IL7R: variants seen among roughly 807,000 people sequenced by gnomAD.
IL7R encodes the protein interleukin 7 receptor.
A neutral mutation model predicts 47.0 loss-of-function variants in IL7R; 38 were observed. The observed-to-expected ratio is 0.81, with a 90% CI of 0.62 to 1.06. IL7R has a LOEUF of 1.06. IL7R is among the 50% of genes least tolerant of loss of function. IL7R has a pLI of 0.00. For missense variants in IL7R, 633 were observed against 534.8 expected (o/e 1.18, Z -1.81); for synonymous variants, 221 against 199.8 (o/e 1.11, Z -0.89).
Position 35,877,314 on chromosome 5 carries a change from G to A in IL7R, c.*828G>A. On this transcript the variant is annotated 3_prime_UTR_variant, in exon 8 of 8. Coordinates refer to ENST00000303115, the MANE Select transcript of IL7R (RefSeq NM_002185.5). ...AAATGGCTATGAGAAAGAAAGAGGG[G>A]GAGAAACAGTCTTGCGGGTGTGAAG... 1 of 233,108 alleles carries A rather than the reference G, an allele frequency of 4.3e-6. No homozygotes were observed. Among genetic ancestry groups the A allele is most frequent in the Non-Finnish European group, 8.5e-6 (1 of 117,998 alleles). 14.4% of individuals were successfully genotyped at this position (233,108 alleles called of 1,614,324 possible). A position where few individuals can be genotyped will look rare whatever the true frequency, so the allele number is the denominator to read the frequency against.
chr5:35,860,054 C>T (rs1175692890), intron 1 of IL7R, among the ~76,000 whole-genome samples: 1 of 150,778 alleles, frequency 6.6e-6, no homozygotes, highest in Non-Finnish European at 1.5e-5. Flanking sequence ...ATCACACTTT[C>T]CAAAAGTAAT....
intron 4 of IL7R, among the ~76,000 whole-genome samples, chr5:35,871,904 T>C (rs1464615820): frequency 6.6e-6 from 1 of 152,168 alleles, no homozygotes; most frequent in Non-Finnish European, 1.5e-5. Flanking sequence ...GAAGAAGAGA[T>C]GATGATTTCT....
chr5:35,874,379 A>G, intron 5 of IL7R, 70 bp from the exon 6 acceptor site: 1 of 1,022,632 alleles, frequency 9.8e-7, no homozygotes, highest in Non-Finnish European at 1.6e-6. Flanking sequence ...AGTAAATGCA[A>G]AGCACCCTGA....
Position 35,879,528 on chromosome 5 carries a change from G to T in IL7R, c.*3042G>T, listed in dbSNP as rs151275799. 4.4e-6 allele frequency: 1 copy of T among 229,732 alleles called. No individual in the cohort carries two copies. 14.2% of individuals were successfully genotyped at this position (229,732 alleles called of 1,614,324 possible). On this transcript the variant is annotated 3_prime_UTR_variant, in exon 8 of 8. Transcript: ENST00000303115. The stretch of plus-strand genomic sequence containing the variant: ...TATCCACATGCATTACAAACATTTC[G>T]CAGAGCTGCTTAGTATATAAGCGTA...
chr5:35,862,133 C>A (rs779477236), intron 2 of IL7R, among the ~76,000 whole-genome samples: 1 of 152,094 alleles, frequency 6.6e-6, no homozygotes, highest in Non-Finnish European at 1.5e-5. Context: ...TGTTCACTTC[C>A]CTAACACATT....
chr5:35,869,039 C>A (rs1385384495), intron 3 of IL7R, among the ~76,000 whole-genome samples: 1 of 152,144 alleles, frequency 6.6e-6, no homozygotes, highest in Non-Finnish European at 1.5e-5. Flanking sequence ...GGCAAGCACC[C>A]CTGGACAAGC....
rs1760265907 is a variant in IL7R, at chr5:35,878,361, A to C, written c.*1875A>C. 1 of 232,680 alleles carries C rather than the reference A, an allele frequency of 4.3e-6. No homozygotes were observed. Among genetic ancestry groups the C allele is most frequent in the Non-Finnish European group, 8.5e-6 (1 of 117,900 alleles). The allele number at this position is 232,680 out of a possible 1,614,324, so 14.4% of individuals were successfully genotyped here. A position where few individuals can be genotyped will look rare whatever the true frequency, so the allele number is the denominator to read the frequency against. The stretch of plus-strand genomic sequence containing the variant: ...CATACTGTTAGGCACAGGGGACCTA[A>C]AGACACATAAAAGGATGGCATTCTG... On this transcript the variant is annotated 3_prime_UTR_variant, in exon 8 of 8. Transcript: ENST00000303115.
intron 2 of IL7R, 136 bp from the exon 3 acceptor site, chr5:35,867,170 C>A: frequency 2.8e-6 from 2 of 703,710 alleles, no homozygotes; most frequent in Non-Finnish European, 5.0e-6. Context: ...CATTCCTGAA[C>A]ATGCCTCCAC....
rs1760160628 is a variant in IL7R at position 35,874,607 on chromosome 5, C to G, written c.800+65C>G. On this transcript the variant is annotated intron_variant, in intron 6 of 7. Coordinates refer to ENST00000303115, the MANE Select transcript of IL7R (RefSeq NM_002185.5). ...ATCACGGACAGTCAGAGCTTAAGCC[C>G]CATTTATTGATGAGAAAACCACAAA... is the stretch of plus-strand genomic sequence containing the variant. 4.1e-6 allele frequency: 5 copies of G among 1,211,338 alleles called. No homozygotes were observed. The Admixed American group carries it at 6.7e-5, about 16-fold the overall frequency. 75.0% of individuals were successfully genotyped at this position (1,211,338 alleles called of 1,614,324 possible).
Position 35,871,114 on chromosome 5 carries a change from TG to T in IL7R, c.439del (p.Val147TrpfsTer2), listed in dbSNP as rs747698244. 1 of 1,612,266 alleles carries T rather than the reference TG, an allele frequency of 6.2e-7. No individual in the cohort carries two copies. The highest frequency in any genetic ancestry group is 1.1e-5 in the South Asian group (1 of 91,054). ...VVYREGANDF[V>X]VTFNTSHLQK... ...TCTATCGGGAAGGAGCCAATGACTT[TG>T]TGGTGACATTTAATACATCACACTT... On this transcript the variant is annotated frameshift_variant, in exon 4 of 8. Coordinates refer to ENST00000303115, the MANE Select transcript of IL7R (RefSeq NM_002185.5). LOFTEE classifies it high-confidence loss of function.
At chr5:35,861,701 A>G (rs1351333467) in intron 2 of IL7R, among the ~76,000 whole-genome samples, 1 of 88,676 alleles carries the variant, frequency 1.1e-5, no homozygotes, top group East Asian at 2.4e-4. Flanking sequence ...GAAAAGACAA[A>G]GGAAAAGAGT....
At chr5:35,873,802 G>A (rs1285344272) in intron 5 of IL7R, among the ~76,000 whole-genome samples, 154 bp downstream of exon 5, 2 of 152,234 alleles carry the variant, frequency 1.3e-5, no homozygotes, top group African/African-American at 2.4e-5. Flanking sequence ...CTTGCCTGCT[G>A]TCTTTGCGCC....
rs202083738 is a variant in IL7R, at chr5:35,860,918, G to T, written c.149G>T (p.Gly50Val). The T allele has an allele frequency of 3.7e-6, 6 of 1,612,738 alleles. No individual in the cohort carries two copies. The highest frequency in any genetic ancestry group is 1.7e-4 in the Middle Eastern group (1 of 6,056). ...FSCYSQLEVNGSQHSLTCAFE... is the reference protein window; with the variant it reads ...FSCYSQLEVNVSQHSLTCAFE... ...TGCTATAGCCAGTTGGAAGTGAATG[G>T]ATCGCAGCACTCACTGACCTGTGCT... Residue 50 changes from glycine to valine, a missense_variant, in exon 2 of 8, where the codon GGA becomes GTA. Transcript: ENST00000303115.
intron 2 of IL7R, among the ~76,000 whole-genome samples, chr5:35,867,078 G>T (rs1759956957): frequency 6.6e-6 from 1 of 152,020 alleles, no homozygotes; most frequent in Admixed American, 6.6e-5. Context: ...ACTATTTCAG[G>T]TTCAATTGCA....
intron 1 of IL7R, among the ~76,000 whole-genome samples, chr5:35,859,742 G>T (rs944481728): frequency 2.0e-5 from 3 of 152,070 alleles, no homozygotes; most frequent in Non-Finnish European, 4.4e-5. Flanking sequence ...ACAGCCCTTG[G>T]TCTCTGGGAC....
At chr5:35,875,385 A>T in intron 6 of IL7R, 127 bp from the exon 7 acceptor site, 1 of 750,356 alleles carries the variant, frequency 1.3e-6, no homozygotes, top group South Asian at 1.5e-5. Context: ...ATGGTCACCC[A>T]CCTAATTGTG....
At chr5:35,866,187 A>C (rs1248048276) in intron 2 of IL7R, among the ~76,000 whole-genome samples, 1 of 152,232 alleles carries the variant, frequency 6.6e-6, no homozygotes, top group African/African-American at 2.4e-5. Flanking sequence ...CAGGTTATTT[A>C]TGTCTTCTAG....
At position 35,876,171 on chromosome 5, in the gene IL7R, C is replaced by T. The variant is rs1760204916; in HGVS notation, c.1065C>T (p.Val355=). ...QSPNCPSEDV[V]ITPESFGRDS... Reference sequence around the variant, plus strand: ...CCAACTGCCCATCTGAGGATGTAGTCATCACTCCAGAAAGCTTTGGAAGAG... The same window carrying T: ...CCAACTGCCCATCTGAGGATGTAGTTATCACTCCAGAAAGCTTTGGAAGAG... Residue 355 remains valine (V), a synonymous_variant, in exon 8 of 8, where the codon GTC becomes GTT. Coordinates refer to ENST00000303115, the MANE Select transcript of IL7R (RefSeq NM_002185.5). 2 of 1,614,090 alleles carry T rather than the reference C, an allele frequency of 1.2e-6. No homozygotes were observed. Among genetic ancestry groups the T allele is most frequent in the Non-Finnish European group, 1.7e-6 (2 of 1,179,986 alleles).
rs1322737360 is a variant in IL7R at position 35,878,278 on chromosome 5, A to G, written c.*1792A>G. 1 of 233,164 alleles carries G rather than the reference A, an allele frequency of 4.3e-6. No individual in the cohort carries two copies. Among genetic ancestry groups the G allele is most frequent in the Non-Finnish European group, 8.5e-6 (1 of 118,052 alleles). The allele number at this position is 233,164 out of a possible 1,614,324, so 14.4% of individuals were successfully genotyped here. A position where few individuals can be genotyped will look rare whatever the true frequency, so the allele number is the denominator to read the frequency against. ...CTTTTGCAATTTTCAAAGCACTTCC[A>G]TAAGCATTCCTTCCACCTCCTTGAT... On this transcript the variant is annotated 3_prime_UTR_variant, in exon 8 of 8. Coordinates refer to ENST00000303115, the MANE Select transcript of IL7R (RefSeq NM_002185.5).
Sources: allele counts gnomAD v4.1 joint callset (sites outside exome capture counted in the v4.1 genomes callset), GRCh38; gene constraint gnomAD v4.1.1; transcripts MANE v1.5; gene names NCBI Gene and HGNC (gene_info 2026-07-23, HGNC 2026-07-21).